ADAMTSL1: variants seen among roughly 807,000 people sequenced by gnomAD.
ADAMTSL1 encodes ADAMTS-like protein 1.
A neutral mutation model predicts 201.8 loss-of-function variants in ADAMTSL1; 126 were observed. The ratio of observed to expected loss-of-function variants is 0.62; its 90% confidence interval spans 0.54 to 0.72. The LOEUF (loss-of-function observed/expected upper bound fraction) is 0.72. Among genes scored for constraint, ADAMTSL1 ranks in the 30% least tolerant of loss-of-function variants. ADAMTSL1 has a pLI of 0.00. For synonymous variants in ADAMTSL1, 1,121 were observed against 903.4 expected (o/e 1.24, Z -4.32); for missense variants, 2,679 against 2,277.8 (o/e 1.18, Z -3.59).
At chr9:18,358,245 C>G (rs1315600365) in intron 2 of ADAMTSL1, among the ~76,000 whole-genome samples, 1 of 152,186 alleles carries the variant, frequency 6.6e-6, no homozygotes, top group Non-Finnish European at 1.5e-5. Context: ...AACTTCAGAT[C>G]TATTTCCCCA....
chr9:18,320,391 A>G (rs1431046980), intron 2 of ADAMTSL1, among the ~76,000 whole-genome samples: 1 of 152,242 alleles, frequency 6.6e-6, no homozygotes, highest in Non-Finnish European at 1.5e-5. Flanking sequence ...AAACAAGTCC[A>G]CATATAGTTC....
At chr9:18,211,507 A>G (rs1036800633) in intron 2 of ADAMTSL1, among the ~76,000 whole-genome samples, 2 of 152,100 alleles carry the variant, frequency 1.3e-5, no homozygotes, top group Non-Finnish European at 2.9e-5. Flanking sequence ...AAAACAAAAA[A>G]CCTCTCTAGG....
At chr9:18,205,810 T>C (rs1164216730) in intron 2 of ADAMTSL1, among the ~76,000 whole-genome samples, 1 of 151,898 alleles carries the variant, frequency 6.6e-6, no homozygotes, top group Non-Finnish European at 1.5e-5. Context: ...TCCCAAGACG[T>C]TGTGAGGCTG....
Position 18,826,449 on chromosome 9 carries a change from A to G in ADAMTSL1, c.4100A>G (p.Gln1367Arg). 2 of 1,613,326 alleles carry G rather than the reference A, an allele frequency of 1.2e-6. No homozygotes were observed. The highest frequency in any genetic ancestry group is 1.7e-6 in the Non-Finnish European group (2 of 1,179,656). Residue 1367 changes from glutamine to arginine, a missense_variant, in exon 22 of 29, where the codon CAG becomes CGG. Transcript: ENST00000380548. The part of the protein sequence containing the change: ...NLHGELTEST[Q>R]LLILDPPQVP... Reference sequence around the variant, plus strand: ...CATGGAGAGCTGACTGAGAGCACCCAGCTGCTGATCCTAGGTAAACACTTC... The same window carrying G: ...CATGGAGAGCTGACTGAGAGCACCCGGCTGCTGATCCTAGGTAAACACTTC...
intron 3 of ADAMTSL1, among the ~76,000 whole-genome samples, chr9:18,560,274 T>C (rs1215471402): frequency 6.6e-6 from 1 of 152,144 alleles, no homozygotes; most frequent in Admixed American, 6.6e-5. Context: ...AATAATGTGG[T>C]TTTGTCATTG....
intron 1 of ADAMTSL1, among the ~76,000 whole-genome samples, chr9:17,988,948 A>G (rs1216495853): frequency 3.3e-5 from 5 of 151,772 alleles, no homozygotes; most frequent in African/African-American, 1.2e-4. Flanking sequence ...TTTCCCATGC[A>G]TGACATTAAA....
At chr9:18,823,818 G>T (rs1824363982) in intron 21 of ADAMTSL1, among the ~76,000 whole-genome samples, 1 of 152,184 alleles carries the variant, frequency 6.6e-6, no homozygotes, top group Admixed American at 6.5e-5. Flanking sequence ...GCGAAACCCT[G>T]TCTCCACTAA....
chr9:18,628,370 A>T (rs1826531282), intron 5 of ADAMTSL1, among the ~76,000 whole-genome samples: 2 of 152,192 alleles, frequency 1.3e-5, no homozygotes, highest in Admixed American at 6.5e-5. Flanking sequence ...AATTGTCTTT[A>T]AACCTTGTCA....
At position 18,476,836 on chromosome 9, in the gene ADAMTSL1, C is replaced by T. The variant is rs1423372382; in HGVS notation, c.63+2541C>T. 3.3e-5 allele frequency among the ~76,000 whole-genome samples: 5 copies of T among 152,140 alleles called. No individual in the cohort carries two copies. The East Asian group carries it at 7.7e-4, about 23-fold the overall frequency. ...ATTAAAATATCCCTCATTTCACTGA[C>T]AGCTGAATCATCTGTATCATGACTA... On this transcript the variant is annotated intron_variant, in intron 1 of 28. Coordinates refer to ENST00000380548, the MANE Select transcript of ADAMTSL1 (RefSeq NM_001040272.6).
At chr9:18,425,261 A>G (rs1160156545) in intron 2 of ADAMTSL1, among the ~76,000 whole-genome samples, 2 of 151,998 alleles carry the variant, frequency 1.3e-5, no homozygotes, top group East Asian at 3.9e-4. Flanking sequence ...TTCTCACCTA[A>G]AAAAAGAACT....
At chr9:18,460,428 C>T (rs1419336407) in intron 2 of ADAMTSL1, among the ~76,000 whole-genome samples, 1 of 152,110 alleles carries the variant, frequency 6.6e-6, no homozygotes, top group Non-Finnish European at 1.5e-5. Context: ...CCAAGGGGGA[C>T]TATCCTCTTT....
intron 8 of ADAMTSL1, among the ~76,000 whole-genome samples, chr9:18,658,618 G>A (rs893832747): frequency 6.6e-5 from 10 of 152,248 alleles, no homozygotes; most frequent in Admixed American, 5.2e-4. Context: ...ATAAACTCCT[G>A]TCTCTGCTCC....
At chr9:18,217,909 C>A (rs1286996810) in intron 2 of ADAMTSL1, among the ~76,000 whole-genome samples, 1 of 151,894 alleles carries the variant, frequency 6.6e-6, no homozygotes, top group Admixed American at 6.6e-5. Flanking sequence ...AGTAGCCCAC[C>A]CAACTTGGGA....
At chr9:18,368,312 C>T (rs78086837) in intron 2 of ADAMTSL1, among the ~76,000 whole-genome samples, 7,945 of 152,236 alleles carry the variant, frequency 0.052, 300 homozygotes, top group South Asian at 0.19. Flanking sequence ...TCACCATGAG[C>T]ACATGTTAAA....
chr9:18,583,658 C>T (rs1823267603), intron 4 of ADAMTSL1, among the ~76,000 whole-genome samples: 1 of 152,168 alleles, frequency 6.6e-6, no homozygotes, highest in African/African-American at 2.4e-5. Context: ...CACTCAACAC[C>T]AGCCAGTAAA....
chr9:18,247,052 G>A (rs1185700388), intron 2 of ADAMTSL1, among the ~76,000 whole-genome samples: 1 of 151,864 alleles, frequency 6.6e-6, no homozygotes, highest in Non-Finnish European at 1.5e-5. Flanking sequence ...TGGGTATTGG[G>A]GTCAATAGAT....
intron 2 of ADAMTSL1, among the ~76,000 whole-genome samples, chr9:18,183,733 T>C (rs778113268): frequency 7.2e-5 from 11 of 152,190 alleles, no homozygotes; most frequent in Non-Finnish European, 1.5e-4. Flanking sequence ...CTAACTTATG[T>C]GCAACATTCA....
At chr9:18,339,434 T>A (rs1835379302) in intron 2 of ADAMTSL1, among the ~76,000 whole-genome samples, 1 of 152,092 alleles carries the variant, frequency 6.6e-6, no homozygotes, top group Admixed American at 6.5e-5. Context: ...GAATGGCTAC[T>A]ATTAAAAAGT....
At chr9:18,116,944 G>A (rs1825276709) in intron 1 of ADAMTSL1, among the ~76,000 whole-genome samples, 1 of 152,080 alleles carries the variant, frequency 6.6e-6, no homozygotes. Context: ...TTCTACCTGT[G>A]GCATTCTCTG....
Sources: gnomAD v4.1 joint callset for allele counts (sites outside exome capture counted in the v4.1 genomes callset) on GRCh38, gnomAD v4.1.1 for gene constraint, MANE v1.5 for transcripts, NCBI Gene and HGNC (gene_info 2026-07-23, HGNC 2026-07-21) for gene names.